IMMP2L: variants seen among roughly 807,000 people sequenced by gnomAD.
The protein encoded by IMMP2L is mitochondrial inner membrane protease subunit 2.
Under a neutral mutation model 19.3 loss-of-function variants are expected in IMMP2L, and 18 were observed. The ratio of observed to expected loss-of-function variants is 0.93; its 90% CI spans 0.64 to 1.38. The LOEUF is 1.38. Ranked by LOEUF, IMMP2L falls within the 40% of genes most tolerant of loss-of-function variation. IMMP2L has a pLI of 0.00. For synonymous variants in IMMP2L, 76 were observed against 73.0 expected (o/e 1.04, Z -0.21); for missense variants, 233 against 218.2 (o/e 1.07, Z -0.43).
chr7:110,999,593 A>C (rs535465459), intron 3 of IMMP2L, among the ~76,000 whole-genome samples: 20 of 149,316 alleles, frequency 1.3e-4, no homozygotes, highest in Middle Eastern at 3.4e-3. Context: ...ACACTTCTAA[A>C]TATTTTCGAT....
At chr7:111,385,765 G>A (rs1831682151) in intron 3 of IMMP2L, among the ~76,000 whole-genome samples, 1 of 152,018 alleles carries the variant, frequency 6.6e-6, no homozygotes, top group African/African-American at 2.4e-5. Context: ...CCCATACCCA[G>A]GTCACTGTCT....
chr7:111,334,695 T>A (rs1359780759), intron 3 of IMMP2L, among the ~76,000 whole-genome samples: 1 of 152,122 alleles, frequency 6.6e-6, no homozygotes, highest in East Asian at 1.9e-4. Flanking sequence ...TTCAACTTGG[T>A]CCTGGCAGTG....
intron 3 of IMMP2L, among the ~76,000 whole-genome samples, chr7:111,330,976 G>A (rs117873050): frequency 2.0e-5 from 3 of 151,946 alleles, no homozygotes; most frequent in East Asian, 3.9e-4. Context: ...TATACTGTTG[G>A]TGCGAATATA....
chr7:111,040,150 CAA>C (rs1384187860), intron 3 of IMMP2L, among the ~76,000 whole-genome samples: 1 of 152,130 alleles, frequency 6.6e-6, no homozygotes, highest in Non-Finnish European at 1.5e-5. Flanking sequence ...GCCTGGGTGA[CAA>C]GACCAAAACT....
At chr7:110,729,884 C>A (rs150274989) in intron 5 of IMMP2L, among the ~76,000 whole-genome samples, 93 of 152,012 alleles carry the variant, frequency 6.1e-4, no homozygotes, top group African/African-American at 2.0e-3. Context: ...ATGTAACAAA[C>A]CTGCACATCC....
chr7:110,893,158 C>T (rs2129546311), intron 4 of IMMP2L, among the ~76,000 whole-genome samples: 1 of 152,162 alleles, frequency 6.6e-6, no homozygotes, highest in South Asian at 2.1e-4. Flanking sequence ...ATTAAGTGTG[C>T]AATAACATTA....
At chr7:111,339,255 T>C (rs1826771268) in intron 3 of IMMP2L, among the ~76,000 whole-genome samples, 1 of 151,356 alleles carries the variant, frequency 6.6e-6, no homozygotes, top group Non-Finnish European at 1.5e-5. Context: ...TTCAATGCCA[T>C]GATTCAGCAG....
intron 5 of IMMP2L, among the ~76,000 whole-genome samples, chr7:110,690,095 C>T (rs1406314717): frequency 3.3e-5 from 5 of 152,142 alleles, no homozygotes; most frequent in Admixed American, 1.3e-4. Context: ...CTTTCAGAGT[C>T]CAGGCCAGGC....
chr7:111,123,799 A>T lies in IMMP2L; in HGVS notation c.240-160234T>A, dbSNP rs1291784279. 8 of 1,614,052 alleles carry T rather than the reference A, an allele frequency of 5.0e-6. No homozygotes were observed. The highest frequency in any genetic ancestry group is 6.8e-6 in the Non-Finnish European group (8 of 1,179,990). ...CAAGCTGGAATCACTCATGCTGAAC[A>T]GCAATGCTCTCAGTGCCCTGTACCA... On this transcript the variant is annotated intron_variant, in intron 3 of 5. Transcript: ENST00000405709. The surrounding 1 kb of genome is among the most constrained non-coding windows in gnomAD (Gnocchi z 6.4).
intron 3 of IMMP2L, among the ~76,000 whole-genome samples, chr7:111,311,148 T>C (rs1220393294): frequency 1.3e-5 from 2 of 152,088 alleles, no homozygotes; most frequent in African/African-American, 2.4e-5. Context: ...AAAGCCAATA[T>C]GGACATTCTG....
chr7:111,158,734 T>C (rs888962888), intron 3 of IMMP2L, among the ~76,000 whole-genome samples: 12 of 152,154 alleles, frequency 7.9e-5, no homozygotes, highest in Non-Finnish European at 1.5e-5. Flanking sequence ...AATGGGGTTA[T>C]TTATTCCAGT....
At chr7:111,454,775 C>T (rs1839538680) in intron 3 of IMMP2L, among the ~76,000 whole-genome samples, 1 of 151,704 alleles carries the variant, frequency 6.6e-6, no homozygotes, top group African/African-American at 2.4e-5. Context: ...GGATTAAATT[C>T]AATTTACTGA....
intron 3 of IMMP2L, among the ~76,000 whole-genome samples, chr7:111,214,328 C>CTTTT (rs1484229556): frequency 0.012 from 1,024 of 85,038 alleles, 210 homozygotes; most frequent in East Asian, 0.02. Flanking sequence ...AGTAATTTTT[C>CTTTT]TTCTTTTTTT....
intron 3 of IMMP2L, among the ~76,000 whole-genome samples, chr7:111,420,636 T>G (rs1236221986): frequency 7.7e-6 from 1 of 129,394 alleles, no homozygotes; most frequent in Non-Finnish European, 1.5e-5. Flanking sequence ...AATTCCCACC[T>G]ATGAGTGAGA....
chr7:110,816,643 G>A (rs1220014809), intron 5 of IMMP2L, among the ~76,000 whole-genome samples: 1 of 150,722 alleles, frequency 6.6e-6, no homozygotes, highest in Admixed American at 6.6e-5. Context: ...TATGAATCTG[G>A]GTGCTCCTGT....
intron 3 of IMMP2L, among the ~76,000 whole-genome samples, chr7:111,236,294 A>C (rs1814305237): frequency 6.6e-6 from 1 of 151,994 alleles, no homozygotes; most frequent in Non-Finnish European, 1.5e-5. Flanking sequence ...AACATCCTTG[A>C]GCTTTGTTTG....
chr7:110,845,901 G>A (rs1805608340), intron 5 of IMMP2L, among the ~76,000 whole-genome samples: 1 of 152,102 alleles, frequency 6.6e-6, no homozygotes, highest in Admixed American at 6.6e-5. Flanking sequence ...CACCATGTGA[G>A]GATAGAAAAA....
intron 2 of IMMP2L, among the ~76,000 whole-genome samples, chr7:111,489,915 C>T (rs1317192339): frequency 6.6e-6 from 1 of 152,042 alleles, no homozygotes; most frequent in Non-Finnish European, 1.5e-5. Flanking sequence ...TCTGCCTCAG[C>T]CTCCTGAGTA....
At chr7:111,415,893 AC>A (rs1251425888) in intron 3 of IMMP2L, among the ~76,000 whole-genome samples, 10 of 151,634 alleles carry the variant, frequency 6.6e-5, no homozygotes, top group African/African-American at 2.2e-4. Context: ...AACAACAACA[AC>A]AACAAAAAAA....
Sources: gnomAD v4.1 joint callset for allele counts (sites outside exome capture counted in the v4.1 genomes callset) on GRCh38, gnomAD v4.1.1 for gene constraint, Gnocchi (gnomAD v3.1) non-coding constraint, MANE v1.5 for transcripts, NCBI Gene and HGNC (gene_info 2026-07-23, HGNC 2026-07-21) for gene names.